SLC24A2: variants seen among roughly 807,000 people sequenced by gnomAD.
SLC24A2 encodes the protein solute carrier family 24 member 2, also known as sodium/potassium/calcium exchanger 2.
In SLC24A2, 36 loss-of-function variants were observed where a neutral mutation model predicts 62.0. The ratio of observed to expected loss-of-function variants is 0.58; its 90% CI spans 0.44 to 0.77. The LOEUF (loss-of-function observed/expected upper bound fraction) is 0.77. Ranked by LOEUF, SLC24A2 falls within the 30% of genes least tolerant of loss-of-function variation. The probability of loss-of-function intolerance (pLI) is 0.00; values close to 1 mark genes in which losing one functional copy is unlikely to be tolerated. For missense variants in SLC24A2, 846 were observed against 817.9 expected, an observed-to-expected ratio of 1.03 and a Z score of -0.42; for synonymous variants, 358 against 294.0, an observed-to-expected ratio of 1.22 and a Z score of -2.23.
At chr9:20,273,339 G>T in the SLC24A2 span, among the ~76,000 whole-genome samples, 4 of 152,142 alleles carry the variant, frequency 2.6e-5, no homozygotes, top group African/African-American at 4.8e-5. Context: ...CCAGAGAAAA[G>T]AAACAAAGAC....
At chr9:20,258,401 C>G in the SLC24A2 span, among the ~76,000 whole-genome samples, 1 of 152,172 alleles carries the variant, frequency 6.6e-6, no homozygotes. Context: ...TCAGAGGAGA[C>G]TGGCATGTGG....
chr9:19,516,547 G>T, intron 10 of SLC24A2, 145 bp from the exon 11 acceptor site: 1 of 1,011,266 alleles, frequency 9.9e-7, no homozygotes, highest in African/African-American at 1.6e-5. Flanking sequence ...TATGACTCGG[G>T]CATGGTTGGC....
intron 7 of SLC24A2, among the ~76,000 whole-genome samples, chr9:19,571,359 G>A (rs971215191): frequency 6.6e-6 from 1 of 152,090 alleles, no homozygotes; most frequent in Non-Finnish European, 1.5e-5. Flanking sequence ...AAAGAAATAC[G>A]TAATTTCTAT....
the SLC24A2 span, among the ~76,000 whole-genome samples, chr9:20,256,145 C>T: frequency 6.6e-6 from 1 of 152,338 alleles, no homozygotes; most frequent in East Asian, 1.9e-4. Context: ...ATGGCCTGAT[C>T]ATCTCTCATT....
the SLC24A2 span, among the ~76,000 whole-genome samples, chr9:19,833,763 T>C: frequency 1.3e-5 from 2 of 152,346 alleles, no homozygotes; most frequent in Admixed American, 1.3e-4. Flanking sequence ...GATCTGAGAA[T>C]AGGCAGACTG....
At chr9:20,059,323 C>T in the SLC24A2 span, among the ~76,000 whole-genome samples, 2 of 152,168 alleles carry the variant, frequency 1.3e-5, no homozygotes, top group Non-Finnish European at 2.9e-5. Context: ...ACATAGAAAA[C>T]TCCATTTAAC....
chr9:19,757,679 A>G (rs553863696), intron 2 of SLC24A2, among the ~76,000 whole-genome samples: 57 of 152,314 alleles, frequency 3.7e-4, no homozygotes, highest in African/African-American at 1.2e-3. Context: ...AAAGATAAAG[A>G]CATACTACTA....
At chr9:20,041,199 A>T in the SLC24A2 span, among the ~76,000 whole-genome samples, 1 of 86,244 alleles carries the variant, frequency 1.2e-5, no homozygotes, top group African/African-American at 5.2e-5. Context: ...CATGAGAAAA[A>T]GAAAGAGAGA....
At chr9:19,549,150 T>G (rs945594841) in intron 8 of SLC24A2, among the ~76,000 whole-genome samples, 1 of 152,192 alleles carries the variant, frequency 6.6e-6, no homozygotes, top group Non-Finnish European at 1.5e-5. Context: ...TAAAATCGAT[T>G]AAAGTAATGA....
At chr9:19,906,050 A>G in the SLC24A2 span, among the ~76,000 whole-genome samples, 1 of 152,206 alleles carries the variant, frequency 6.6e-6, no homozygotes, top group Non-Finnish European at 1.5e-5. Context: ...CACCACACCT[A>G]TTCCAAAACT....
At chr9:19,678,147 A>C (rs1819613341) in intron 2 of SLC24A2, among the ~76,000 whole-genome samples, 1 of 152,184 alleles carries the variant, frequency 6.6e-6, no homozygotes, top group Non-Finnish European at 1.5e-5. Flanking sequence ...TGAAGATTAA[A>C]TGAGAAGATG....
At chr9:19,941,751 T>C in the SLC24A2 span, among the ~76,000 whole-genome samples, 2 of 152,168 alleles carry the variant, frequency 1.3e-5, no homozygotes, top group East Asian at 1.9e-4. Context: ...ACTAGAGATA[T>C]TGTAAATAAC....
At chr9:20,218,191 T>C in the SLC24A2 span, among the ~76,000 whole-genome samples, 1 of 152,228 alleles carries the variant, frequency 6.6e-6, no homozygotes, top group African/African-American at 2.4e-5. Flanking sequence ...CATCAGAACT[T>C]AGATCTCGAG....
At chr9:19,798,782 C>T in the SLC24A2 span, among the ~76,000 whole-genome samples, 1 of 152,212 alleles carries the variant, frequency 6.6e-6, no homozygotes, top group Non-Finnish European at 1.5e-5. Context: ...TGGCAAGTCT[C>T]AGTGAAGATC....
chr9:20,053,542 A>G, the SLC24A2 span, among the ~76,000 whole-genome samples: 4 of 152,110 alleles, frequency 2.6e-5, no homozygotes, highest in South Asian at 4.1e-4. Flanking sequence ...CTGAAAATTC[A>G]TATGTTGAAA....
chr9:20,292,302 A>G, the SLC24A2 span, among the ~76,000 whole-genome samples: 1 of 152,328 alleles, frequency 6.6e-6, no homozygotes, highest in Admixed American at 6.5e-5. Flanking sequence ...ACTTTCATGG[A>G]AATCTTTATT....
the SLC24A2 span, among the ~76,000 whole-genome samples, chr9:19,834,166 C>T: frequency 3.9e-5 from 6 of 152,174 alleles, no homozygotes; most frequent in African/African-American, 9.6e-5. Context: ...AAAATCAGAG[C>T]GCCTCTCCTC....
intron 8 of SLC24A2, among the ~76,000 whole-genome samples, chr9:19,543,203 G>A (rs6475346): frequency 0.076 from 11,522 of 151,968 alleles, 1,438 homozygotes; most frequent in African/African-American, 0.26. Flanking sequence ...TAGATTTTCT[G>A]GTTTATTTGC....
the SLC24A2 span, among the ~76,000 whole-genome samples, chr9:20,301,256 C>T: frequency 6.6e-6 from 1 of 152,188 alleles, no homozygotes; most frequent in Non-Finnish European, 1.5e-5. Context: ...CTCTTAGTCC[C>T]CCTTTGTCTC....
Sources: gnomAD v4.1 joint callset for allele counts (sites outside exome capture counted in the v4.1 genomes callset) on GRCh38, gnomAD v4.1.1 for gene constraint, MANE v1.5 for transcripts, NCBI Gene and HGNC (gene_info 2026-07-23, HGNC 2026-07-21) for gene names.